Variants in LAMC1 observed in about 807,000 individuals in gnomAD.
LAMC1 encodes the protein laminin subunit gamma-1.
A neutral mutation model predicts 173.6 loss-of-function variants in LAMC1; 38 were observed. That is an observed-to-expected ratio of 0.22 (90% CI 0.17 to 0.29). LAMC1 has a LOEUF of 0.29. Among genes scored for constraint, LAMC1 ranks in the 10% least tolerant of loss-of-function variants. The pLI is 1.00. For missense variants in LAMC1, 1,824 were observed against 2,051.8 expected, an observed-to-expected ratio of 0.89 and a Z score of 2.14; for synonymous variants, 746 against 749.1, an observed-to-expected ratio of 1.00 and a Z score of 0.07.
Position 183,119,472 on chromosome 1 carries a change from A to G in LAMC1, c.1990+1326A>G, listed in dbSNP as rs150707399. Among the ~76,000 whole-genome samples, 542 of 152,336 alleles carry G rather than the reference A, an allele frequency of 3.6e-3. 5 individuals carry two copies. The highest frequency in any genetic ancestry group is 0.012 in the African/African-American group (511 of 41,570). Reference sequence around the variant, plus strand: ...GGCAATAATTTTTAAACTTGGAAATATGACAGAAAATATAGATGGAAAAGA... The same window carrying G: ...GGCAATAATTTTTAAACTTGGAAATGTGACAGAAAATATAGATGGAAAAGA... On this transcript the variant is annotated intron_variant, in intron 11 of 27. Coordinates refer to ENST00000258341, the MANE Select transcript of LAMC1 (RefSeq NM_002293.4).
intron 2 of LAMC1, among the ~76,000 whole-genome samples, chr1:183,106,098 C>T (rs1490324877): frequency 6.6e-6 from 1 of 152,078 alleles, no homozygotes; most frequent in African/African-American, 2.4e-5. Context: ...CCAGAAAGGA[C>T]ATAACTTGCC....
At chr1:183,071,594 G>A (rs889282916) in intron 1 of LAMC1, among the ~76,000 whole-genome samples, 3 of 152,180 alleles carry the variant, frequency 2.0e-5, no homozygotes, top group African/African-American at 7.2e-5. Flanking sequence ...TTGAGTCCCT[G>A]AAACACACAC....
At chr1:183,114,485 T>G in intron 4 of LAMC1, 46 bp from the exon 5 acceptor site, 1 of 1,595,932 alleles carries the variant, frequency 6.3e-7, no homozygotes, top group Middle Eastern at 1.7e-4. Context: ...AATGCTCTTC[T>G]TAAAGGTACC....
At chr1:183,101,180 A>G (rs553801852) in intron 1 of LAMC1, among the ~76,000 whole-genome samples, 1 of 152,262 alleles carries the variant, frequency 6.6e-6, no homozygotes, top group East Asian at 1.9e-4. Context: ...AGGATAATCT[A>G]TAATCTACAG....
At chr1:183,095,723 A>T (rs1655676254) in intron 1 of LAMC1, among the ~76,000 whole-genome samples, 1 of 152,088 alleles carries the variant, frequency 6.6e-6, no homozygotes, top group African/African-American at 2.4e-5. Context: ...TACCACCATG[A>T]ATTAGGTCTG....
At chr1:183,029,731 G>C (rs1169732866) in intron 1 of LAMC1, among the ~76,000 whole-genome samples, 1 of 152,116 alleles carries the variant, frequency 6.6e-6, no homozygotes, top group Non-Finnish European at 1.5e-5. Context: ...AGGATTATCT[G>C]TTTCTTTACT....
intron 1 of LAMC1, among the ~76,000 whole-genome samples, chr1:183,031,982 T>C (rs1168208699): frequency 1.3e-5 from 2 of 152,108 alleles, no homozygotes; most frequent in Admixed American, 1.3e-4. Context: ...TTTGCAAGCA[T>C]CTCCTTTCTT....
chr1:183,133,679 C>A (rs116187521), intron 22 of LAMC1, 129 bp downstream of exon 22: 1 of 922,452 alleles, frequency 1.1e-6, no homozygotes. Context: ...ATTTCACATA[C>A]GCTAATAGAA....
At chr1:183,136,357 G>A (rs1353299579) in intron 24 of LAMC1, 29 bp from the exon 25 acceptor site, 3 of 1,605,344 alleles carry the variant, frequency 1.9e-6, no homozygotes, top group South Asian at 2.2e-5. Context: ...TGGGAGTTTA[G>A]CTCAAATGTG....
At chr1:183,032,289 G>C (rs964663450) in intron 1 of LAMC1, among the ~76,000 whole-genome samples, 1 of 152,140 alleles carries the variant, frequency 6.6e-6, no homozygotes, top group Non-Finnish European at 1.5e-5. Flanking sequence ...AGAATCTTAT[G>C]GTAAGGCTGG....
intron 1 of LAMC1, among the ~76,000 whole-genome samples, chr1:183,068,550 A>G (rs569543490): frequency 2.4e-4 from 36 of 152,316 alleles, no homozygotes; most frequent in African/African-American, 7.5e-4. Flanking sequence ...CAAGAACTCT[A>G]TGAAGTAGAT....
At chr1:183,032,409 T>C (rs907965574) in intron 1 of LAMC1, among the ~76,000 whole-genome samples, 2 of 152,236 alleles carry the variant, frequency 1.3e-5, no homozygotes, top group Admixed American at 1.3e-4. Flanking sequence ...CTTCCTCTTA[T>C]ATTGAGGGCA....
chr1:183,118,582 G>T (rs989389835), intron 11 of LAMC1, among the ~76,000 whole-genome samples: 1 of 152,014 alleles, frequency 6.6e-6, no homozygotes, highest in Non-Finnish European at 1.5e-5. Context: ...AATTAGCCAG[G>T]TGGGGTGGCA....
In LAMC1 at chr1:183,110,637, G is replaced by T; in HGVS notation, c.1004G>T (p.Ser335Ile). Reference sequence around the variant, plus strand: ...CCGTGGAGGAGGGCAACTGCGGAAAGTGCCAGTGAATGCCTGCGTGAGTGC... The same window carrying T: ...CCGTGGAGGAGGGCAACTGCGGAAATTGCCAGTGAATGCCTGCGTGAGTGC... ...DRPWRRATAE[S>I]ASECLPCDCN... The change falls in exon 4 of 28, where the codon AGT (serine) becomes ATT (isoleucine). Residue 335 changes from serine (S) to isoleucine (I), a missense_variant. Transcript: ENST00000258341. The T allele has an allele frequency of 6.2e-7, 1 of 1,613,894 alleles. No homozygotes were observed. Among genetic ancestry groups the T allele is most frequent in the East Asian group, 2.2e-5 (1 of 44,882 alleles).
intron 1 of LAMC1, among the ~76,000 whole-genome samples, chr1:183,037,380 A>T (rs909984594): frequency 9.2e-5 from 14 of 152,176 alleles, no homozygotes; most frequent in Admixed American, 9.2e-4. Flanking sequence ...GACATTATTA[A>T]AGATAAGGCT....
intron 1 of LAMC1, among the ~76,000 whole-genome samples, chr1:183,098,279 T>A (rs188717790): frequency 6.6e-6 from 1 of 152,300 alleles, no homozygotes; most frequent in East Asian, 1.9e-4. Flanking sequence ...TTTAACAGAA[T>A]AAAAAGCTCC....
At chr1:183,073,265 GA>G in intron 1 of LAMC1, among the ~76,000 whole-genome samples, 1 of 152,228 alleles carries the variant, frequency 6.6e-6, no homozygotes, top group East Asian at 1.9e-4. Flanking sequence ...TGTGGGACAA[GA>G]AAAAAATCTC....
At chr1:183,116,099 C>T (rs1047526553) in intron 6 of LAMC1, among the ~76,000 whole-genome samples, 13 of 146,536 alleles carry the variant, frequency 8.9e-5, no homozygotes, top group Non-Finnish European at 1.6e-4. Context: ...CACTGCACTC[C>T]AGCGTGGGTG....
chr1:183,135,206 T>A (rs1571465572), intron 24 of LAMC1, 50 bp downstream of exon 24: 1 of 110,982 alleles, frequency 9.0e-6, no homozygotes, highest in East Asian at 3.1e-4. Context: ...ACTAGAGTGA[T>A]TTTTTTTTTT....
Sources: allele counts gnomAD v4.1 joint callset (sites outside exome capture counted in the v4.1 genomes callset), GRCh38; gene constraint gnomAD v4.1.1; transcripts MANE v1.5; gene names NCBI Gene and HGNC (gene_info 2026-07-23, HGNC 2026-07-21).